MED14: variants seen among roughly 807,000 people sequenced by gnomAD.
MED14 encodes the protein mediator complex subunit 14.
MED14 carries 8 observed loss-of-function variants against 109.0 expected under a neutral mutation model. The observed-to-expected ratio is 0.07, with a 90% CI of 0.04 to 0.13. MED14 has a LOEUF of 0.13. Ranked by LOEUF, MED14 falls within the 10% of genes least tolerant of loss-of-function variation. The pLI, the probability that MED14 is intolerant of heterozygous loss-of-function variation, is 1.00. For synonymous variants in MED14, 399 were observed against 408.7 expected (o/e 0.98, Z 0.29); for missense variants, 711 against 1,142.4 (o/e 0.62, Z 5.44).
chrX:40,735,465 TC>T lies in MED14; in HGVS notation c.-54del, dbSNP rs986575090. On this transcript the variant is annotated 5_prime_UTR_variant, in exon 1 of 31. Coordinates refer to ENST00000324817, the MANE Select transcript of MED14 (RefSeq NM_004229.4). ...CGGCACACGATGCGGTCCTCGAGCC[TC>T]CCGGGCGCTCGGTCACCGCGCCGAA... is the stretch of plus-strand genomic sequence containing the variant. 1.1e-4 allele frequency: 119 copies of T among 1,068,194 alleles called. No homozygotes were observed. The highest frequency in any genetic ancestry group is 1.5e-4 in the Non-Finnish European group (118 of 794,422). 88.0% of individuals were successfully genotyped at this position (1,068,194 alleles called of 1,213,427 possible). A position where few individuals can be genotyped will look rare whatever the true frequency, so the allele number is the denominator to read the frequency against.
chrX:40,712,849 C>T (rs1931381730), intron 6 of MED14, 65 bp downstream of exon 6: 2 of 1,014,347 alleles, frequency 2.0e-6, no homozygotes, highest in Non-Finnish European at 2.6e-6. Flanking sequence ...GGGAATATTT[C>T]AATAATATAA....
chrX:40,666,819 C>T lies in MED14; in HGVS notation c.3166G>A (p.Ala1056Thr). 1 of 1,187,715 alleles carries T rather than the reference C, an allele frequency of 8.4e-7. No individual in the cohort carries two copies. Among genetic ancestry groups the T allele is most frequent in the Non-Finnish European group, 1.1e-6 (1 of 882,779 alleles). ...GACGCTGGTGATGGGGCTCTCAAAG[C>T]CCCACTGGGGGAGCTGGCAGCATGC... Reference protein sequence around the residue: ...NLHAASSPSGALRAPSPASFV... With the variant: ...NLHAASSPSGTLRAPSPASFV... Residue 1056 changes from alanine to threonine, a missense_variant, in exon 24 of 31, where the codon GCT (alanine) becomes ACT (threonine). By Grantham distance (58) the Ala-to-Thr change is moderately conservative. Transcript: ENST00000324817.
In MED14 at chrX:40,650,807, G is replaced by A. The variant is rs1425813124; in HGVS notation, c.*999C>T. 1.3e-6 allele frequency: 1 copy of A among 752,552 alleles called. No individual in the cohort carries two copies. Among genetic ancestry groups the A allele is most frequent in the African/African-American group, 2.3e-5 (1 of 43,278 alleles). The allele number at this position is 752,552 out of a possible 1,213,427, so 62.0% of individuals were successfully genotyped here. A position where few individuals can be genotyped will look rare whatever the true frequency, so the allele number is the denominator to read the frequency against. ...ATCCCAATTTTGGTGGGGAAGGAAAGGAGGATAAGTTAAGCAAGATAAAGA... is the reference window on the plus strand; with the variant it reads ...ATCCCAATTTTGGTGGGGAAGGAAAAGAGGATAAGTTAAGCAAGATAAAGA... On this transcript the variant is annotated 3_prime_UTR_variant, in exon 31 of 31. Transcript: ENST00000324817.
intron 11 of MED14, among the ~76,000 whole-genome samples, chrX:40,702,617 A>AT (rs1032815828): frequency 8.1e-5 from 9 of 111,658 alleles, no homozygotes; most frequent in African/African-American, 2.3e-4. Context: ...AAGTGCTGGG[A>AT]TTACAGGCGT....
chrX:40,703,329 C>T, intron 11 of MED14, 115 bp downstream of exon 11: 8 of 622,209 alleles, frequency 1.3e-5, no homozygotes, highest in Non-Finnish European at 1.9e-5. Context: ...TCCATACCCA[C>T]TTTCAACACT....
intron 20 of MED14, 102 bp from the exon 21 acceptor site, chrX:40,680,235 G>T: frequency 1.2e-6 from 1 of 864,701 alleles, no homozygotes; most frequent in Non-Finnish European, 1.6e-6. Context: ...ACGTCCTTCT[G>T]GCACATTCCA....
rs1322826180 is a variant in MED14, at chrX:40,713,001, C to T, written c.694G>A (p.Ala232Thr). The T allele has an allele frequency of 5.9e-6, 7 of 1,182,609 alleles. No homozygotes were observed. The highest frequency in any genetic ancestry group is 8.0e-6 in the Non-Finnish European group (7 of 876,774). ...VKFRVEGEFE[A>T]TLTVMGDDPD... ...TCATCTCCCATCACAGTCAAGGTGG[C>T]TTCAAATTCTCCTTCAACACGAAAC... Residue 232 changes from alanine to threonine, a missense_variant, in exon 6 of 31, where the codon GCC (alanine) becomes ACC (threonine). Ala to Thr is a moderately conservative substitution (Grantham distance 58, BLOSUM62 0). Transcript: ENST00000324817.
rs180693781 is a variant in MED14 at position 40,718,833 on chromosome X, C to T, written c.349-4123G>A. On this transcript the variant is annotated intron_variant, in intron 3 of 30. Coordinates refer to ENST00000324817, the MANE Select transcript of MED14 (RefSeq NM_004229.4). Reference sequence around the variant, plus strand: ...CAGCCTGGGTGACAGAGTGAGACTTCATGTCTTAAAATAAATAAATAAAAG... The same window carrying T: ...CAGCCTGGGTGACAGAGTGAGACTTTATGTCTTAAAATAAATAAATAAAAG... Among the ~76,000 whole-genome samples, 470 of 110,996 alleles carry T rather than the reference C, an allele frequency of 4.2e-3. 1 individual carries two copies. The highest frequency in any genetic ancestry group is 6.2e-3 in the Non-Finnish European group (328 of 52,988).
intron 22 of MED14, among the ~76,000 whole-genome samples, chrX:40,674,937 C>G (rs1488304182): frequency 8.9e-6 from 1 of 112,554 alleles, no homozygotes; most frequent in Non-Finnish European, 1.9e-5. Flanking sequence ...TAAGGAAACT[C>G]TCTCAAAGAT....
chrX:40,669,727 T>C (rs1391434058), intron 23 of MED14, among the ~76,000 whole-genome samples: 2 of 111,977 alleles, frequency 1.8e-5, no homozygotes, highest in African/African-American at 6.5e-5. Flanking sequence ...ACCAGCCATT[T>C]GGAAGAGTCT....
chrX:40,692,623 GTTCT>G (rs1442456009), intron 14 of MED14, 81 bp downstream of exon 14: 6 of 941,325 alleles, frequency 6.4e-6, no homozygotes, highest in African/African-American at 6.0e-5. Flanking sequence ...CTGTATCTTA[GTTCT>G]TTCTCATATT....
chrX:40,692,414 A>C, intron 14 of MED14, 97 bp from the exon 15 acceptor site: 2 of 672,964 alleles, frequency 3.0e-6, no homozygotes, highest in Non-Finnish European at 4.4e-6. Flanking sequence ...AAGAAAGCTC[A>C]GGGTTAACCA....
At chrX:40,715,375 G>A (rs1931476460) in intron 3 of MED14, among the ~76,000 whole-genome samples, 1 of 111,631 alleles carries the variant, frequency 9.0e-6, no homozygotes, top group South Asian at 3.7e-4. Context: ...GCAAAAGAAT[G>A]AAACTAGACC....
At chrX:40,731,586 GAAC>G (rs944229042) in intron 1 of MED14, among the ~76,000 whole-genome samples, 2 of 111,846 alleles carry the variant, frequency 1.8e-5, no homozygotes, top group Non-Finnish European at 3.8e-5. Context: ...AATTCTTTTT[GAAC>G]AATATTTTTA....
intron 29 of MED14, 80 bp downstream of exon 29, chrX:40,654,855 G>T: frequency 9.1e-7 from 1 of 1,101,545 alleles, no homozygotes. Flanking sequence ...AATTTATGCA[G>T]TTATCCAAAA....
At chrX:40,735,122 G>C (rs1932208592) in intron 1 of MED14, 76 bp downstream of exon 1, 1 of 750,832 alleles carries the variant, frequency 1.3e-6, no homozygotes, top group Non-Finnish European at 1.8e-6. Flanking sequence ...CTCTCGGGGA[G>C]AGGGAGGTGC....
In MED14 at chrX:40,651,664, C is replaced by A; in HGVS notation, c.*142G>T. ...TGATCATTTTGATGAAAGAAGTGCA[C>A]CCTGAAAATTTTTGCCAGTTTAGAA... On this transcript the variant is annotated 3_prime_UTR_variant, in exon 31 of 31. Transcript: ENST00000324817. 1 of 1,050,961 alleles carries A rather than the reference C, an allele frequency of 9.5e-7. No individual in the cohort carries two copies. Among genetic ancestry groups the A allele is most frequent in the Non-Finnish European group, 1.2e-6 (1 of 818,678 alleles). The allele number at this position is 1,050,961 out of a possible 1,213,427, so 86.6% of individuals were successfully genotyped here. A position where few individuals can be genotyped will look rare whatever the true frequency, so the allele number is the denominator to read the frequency against.
At chrX:40,677,990 A>G (rs1350052894) in intron 21 of MED14, among the ~76,000 whole-genome samples, 4 of 111,832 alleles carry the variant, frequency 3.6e-5, no homozygotes, top group African/African-American at 9.7e-5. Context: ...CACTTCAGTT[A>G]GATGAGGGTA....
At chrX:40,683,602 G>A (rs1930199045) in intron 16 of MED14, among the ~76,000 whole-genome samples, 1 of 111,760 alleles carries the variant, frequency 8.9e-6, no homozygotes, top group Non-Finnish European at 1.9e-5. Context: ...ACTCCTGAGC[G>A]ATCCTCCCAC....
Sources: allele counts gnomAD v4.1 joint callset (sites outside exome capture counted in the v4.1 genomes callset), GRCh38; gene constraint gnomAD v4.1.1; transcripts MANE v1.5; gene names NCBI Gene and HGNC (gene_info 2026-07-23, HGNC 2026-07-21).